LARP1: variants seen among roughly 807,000 people sequenced by gnomAD.
LARP1 encodes la-related protein 1.
LARP1 carries 36 observed loss-of-function variants against 122.7 expected under a neutral mutation model. The ratio of observed to expected loss-of-function variants is 0.29; its 90% CI spans 0.22 to 0.39. The LOEUF is 0.39. Among genes scored for constraint, LARP1 ranks in the 10% least tolerant of loss-of-function variants. The pLI, the probability that LARP1 is intolerant of heterozygous loss-of-function variation, is 1.00. For missense variants in LARP1, 1,040 were observed against 1,403.6 expected (o/e 0.74, Z 4.14); for synonymous variants, 539 against 528.7 (o/e 1.02, Z -0.27).
At chr5:154,724,342 C>T (rs1223378290) in intron 1 of LARP1, among the ~76,000 whole-genome samples, 3 of 152,180 alleles carry the variant, frequency 2.0e-5, no homozygotes, top group Admixed American at 6.6e-5. Context: ...AGCTCTGACT[C>T]AGCTAGACTG....
chr5:154,786,204 T>C (rs535577562), intron 1 of LARP1, among the ~76,000 whole-genome samples: 1 of 152,224 alleles, frequency 6.6e-6, no homozygotes, highest in African/African-American at 2.4e-5. Context: ...CACACCCGGC[T>C]AATTTTTTGT....
intron 1 of LARP1, among the ~76,000 whole-genome samples, chr5:154,771,743 G>C (rs916920208): frequency 6.6e-6 from 1 of 152,186 alleles, no homozygotes; most frequent in East Asian, 1.9e-4. Flanking sequence ...CTGCTGGGGA[G>C]CTCTGGCTCT....
At chr5:154,806,058 G>T (rs2113851820) in intron 15 of LARP1, 26 bp downstream of exon 15, 1 of 1,611,162 alleles carries the variant, frequency 6.2e-7, no homozygotes, top group Non-Finnish European at 8.5e-7. Context: ...GGCAGGAGAT[G>T]AGCCTCTGGG....
chr5:154,707,538 T>C (rs1755009281), intron 1 of LARP1, among the ~76,000 whole-genome samples: 1 of 152,234 alleles, frequency 6.6e-6, no homozygotes, highest in Non-Finnish European at 1.5e-5. Context: ...GACCACAGTC[T>C]GGGCACTATA....
At chr5:154,798,039 T>C (rs1160431689) in intron 8 of LARP1, among the ~76,000 whole-genome samples, 2 of 152,260 alleles carry the variant, frequency 1.3e-5, no homozygotes, top group African/African-American at 4.8e-5. Context: ...ACTTATACAG[T>C]ATCTTCAAGT....
chr5:154,806,593 T>A (rs995476645), intron 15 of LARP1, among the ~76,000 whole-genome samples: 1 of 152,250 alleles, frequency 6.6e-6, no homozygotes, highest in African/African-American at 2.4e-5. Flanking sequence ...CCTCTCTAGA[T>A]GATAGTGTAA....
At chr5:154,813,393 G>A (rs1200311044) in intron 18 of LARP1, among the ~76,000 whole-genome samples, 1 of 152,178 alleles carries the variant, frequency 6.6e-6, no homozygotes, top group South Asian at 2.1e-4. Context: ...TCTTAGTTCA[G>A]GATCCTCTGG....
chr5:154,685,300 T>C (rs1582131695), intron 1 of LARP1, among the ~76,000 whole-genome samples: 2 of 150,846 alleles, frequency 1.3e-5, no homozygotes, highest in Middle Eastern at 3.5e-3. Flanking sequence ...CCATGCAGGG[T>C]GGTCACTGCC....
At chr5:154,786,882 T>C (rs193092851) in intron 1 of LARP1, among the ~76,000 whole-genome samples, 1,824 of 143,158 alleles carry the variant, frequency 0.013, 36 homozygotes, top group African/African-American at 0.044. Context: ...GATTGTTTTC[T>C]TTTTTTTTTT....
intron 8 of LARP1, among the ~76,000 whole-genome samples, chr5:154,796,521 T>C (rs1393293004): frequency 6.6e-6 from 1 of 152,174 alleles, no homozygotes; most frequent in African/African-American, 2.4e-5. Context: ...CCAAGTTTTT[T>C]GTAAATTGTG....
intron 1 of LARP1, among the ~76,000 whole-genome samples, chr5:154,746,752 A>G (rs1200151193): frequency 6.6e-6 from 1 of 152,248 alleles, no homozygotes; most frequent in East Asian, 1.9e-4. Flanking sequence ...TAAGCCCAGC[A>G]CTTTGGGAAG....
At chr5:154,799,142 G>A (rs1242620050) in intron 8 of LARP1, among the ~76,000 whole-genome samples, 3 of 152,210 alleles carry the variant, frequency 2.0e-5, no homozygotes, top group Non-Finnish European at 4.4e-5. Flanking sequence ...GATTATAGAC[G>A]TGAGCCACCA....
At chr5:154,739,267 A>C (rs993813931) in intron 1 of LARP1, among the ~76,000 whole-genome samples, 8 of 151,930 alleles carry the variant, frequency 5.3e-5, no homozygotes, top group Non-Finnish European at 1.0e-4. Flanking sequence ...TGATCCGCCC[A>C]CCTCGGCCTC....
chr5:154,794,733 A>G (rs756141359), intron 7 of LARP1, among the ~76,000 whole-genome samples: 11 of 152,270 alleles, frequency 7.2e-5, no homozygotes, highest in Non-Finnish European at 1.3e-4. Flanking sequence ...ACAGCTAGTA[A>G]GTAACAAAGC....
At chr5:154,800,612 T>TTA (rs1473962085) in intron 10 of LARP1, among the ~76,000 whole-genome samples, 2 of 152,140 alleles carry the variant, frequency 1.3e-5, no homozygotes, top group Admixed American at 6.5e-5. Flanking sequence ...TAGAAATAGT[T>TTA]TATATATATA....
Position 154,720,566 on chromosome 5 carries a change from G to C in LARP1, c.205+7436G>C, listed in dbSNP as rs565830376. Among the ~76,000 whole-genome samples the C allele has an allele frequency of 1.3e-3, 201 of 152,244 alleles. 2 individuals are homozygous for C. Among genetic ancestry groups the C allele is most frequent in the African/African-American group, 4.6e-3 (190 of 41,510 alleles). On this transcript the variant is annotated intron_variant, in intron 1 of 18. Transcript: ENST00000336314. The stretch of plus-strand genomic sequence containing the variant: ...TCTATCTCTAAAAATTTAAAAATTA[G>C]CCAGGTGTGGTGGCACATGTCTGCA...
chr5:154,786,823 T>G (rs1291606542), intron 1 of LARP1: 5 of 173,712 alleles, frequency 2.9e-5, no homozygotes, highest in Admixed American at 1.2e-4. Flanking sequence ...TGGCCTCAGT[T>G]CCCTGTCTAC....
In LARP1 at chr5:154,814,161, G is replaced by T. The variant is rs1398277308; in HGVS notation, c.*65G>T. On this transcript the variant is annotated 3_prime_UTR_variant, in exon 19 of 19. Transcript: ENST00000518297. ...AGGGTGGGTAAGAGTCCATGGGGGT[G>T]CCCAGTCCCAGGAAAGGGGACAATG... The T allele has an allele frequency of 1.3e-6, 2 of 1,521,106 alleles. No individual in the cohort carries two copies. Among genetic ancestry groups the T allele is most frequent in the Non-Finnish European group, 1.8e-6 (2 of 1,108,428 alleles). The allele number at this position is 1,521,106 out of a possible 1,614,324, so 94.2% of individuals were successfully genotyped here. A position where few individuals can be genotyped will look rare whatever the true frequency, so the allele number is the denominator to read the frequency against.
At chr5:154,762,026 G>T (rs1754493598) in intron 1 of LARP1, among the ~76,000 whole-genome samples, 1 of 152,126 alleles carries the variant, frequency 6.6e-6, no homozygotes, top group African/African-American at 2.4e-5. Flanking sequence ...CGGATCATGA[G>T]GTCAGGAGTT....
Sources: allele counts gnomAD v4.1 joint callset (sites outside exome capture counted in the v4.1 genomes callset), GRCh38; gene constraint gnomAD v4.1.1; transcripts MANE v1.5; gene names NCBI Gene and HGNC (gene_info 2026-07-23, HGNC 2026-07-21).